The following PIWIL3 variants were observed in gnomAD, a reference collection of about 807,000 sequenced individuals.
The protein encoded by PIWIL3 is piwi like RNA-mediated gene silencing 3.
Under a neutral mutation model 109.7 loss-of-function variants are expected in PIWIL3, and 101 were observed. The observed-to-expected ratio is 0.92, with a 90% CI of 0.78 to 1.09. PIWIL3 has a LOEUF of 1.09. Ranked by LOEUF, PIWIL3 falls within the 50% of genes least tolerant of loss-of-function variation. The probability of loss-of-function intolerance (pLI) is 0.00; values close to 1 mark genes in which losing one functional copy is unlikely to be tolerated. For missense variants in PIWIL3, 1,031 were observed against 1,072.6 expected, an observed-to-expected ratio of 0.96 and a Z score of 0.54; for synonymous variants, 373 against 376.4, an observed-to-expected ratio of 0.99 and a Z score of 0.10.
At chr22:24,762,029 C>T in intron 2 of PIWIL3, 1 of 999,154 alleles carries the variant, frequency 1.0e-6, no homozygotes, top group Non-Finnish European at 1.2e-6. Flanking sequence ...AACAAGTTTT[C>T]AACAAGGCTG....
intron 16 of PIWIL3, among the ~76,000 whole-genome samples, chr22:24,725,830 CCTGGTT>C (rs1044224736): frequency 7.9e-6 from 1 of 127,132 alleles, no homozygotes; most frequent in African/African-American, 2.5e-5. Flanking sequence ...CTGTGCTCCC[CCTGGTT>C]CCTGCTTTGG....
At chr22:24,759,388 AGAG>A (rs1925277147) in intron 3 of PIWIL3, among the ~76,000 whole-genome samples, 1 of 152,230 alleles carries the variant, frequency 6.6e-6, no homozygotes, top group Non-Finnish European at 1.5e-5. Flanking sequence ...TAGAAAGCAA[AGAG>A]GAGAATCCAG....
At chr22:24,762,213 G>T in intron 2 of PIWIL3, 185 bp downstream of exon 2, 1 of 1,071,064 alleles carries the variant, frequency 9.3e-7, no homozygotes, top group Non-Finnish European at 1.2e-6. Flanking sequence ...AAGCAGTGGA[G>T]AGTACATCTG....
intron 13 of PIWIL3, 149 bp from the exon 14 acceptor site, chr22:24,734,305 G>A: frequency 7.7e-7 from 1 of 1,296,118 alleles, no homozygotes; most frequent in East Asian, 2.6e-5. Context: ...AAAGACAGTA[G>A]ACTTTCAGTT....
intron 1 of PIWIL3, among the ~76,000 whole-genome samples, chr22:24,770,660 T>TAAAAAA (rs57209194): frequency 1.3e-5 from 1 of 77,578 alleles, no homozygotes; most frequent in Admixed American, 1.3e-4. Flanking sequence ...CCGTCTCTAC[T>TAAAAAA]AAAAAAAAAA....
rs1922951996 is a variant in PIWIL3 at position 24,725,728 on chromosome 22, A to C, written c.2010-213T>G. Reference sequence around the variant, plus strand: ...CATACAAATAGTCAAGTAGAATGGAAGCATTTATTCACATTACTACAAATT... The same window carrying C: ...CATACAAATAGTCAAGTAGAATGGACGCATTTATTCACATTACTACAAATT... On this transcript the variant is annotated intron_variant, in intron 16 of 20. Transcript: ENST00000616349. 2.0e-5 allele frequency among the ~76,000 whole-genome samples: 3 copies of C among 152,228 alleles called. No individual in the cohort carries two copies. In the South Asian group the frequency reaches 6.2e-4, roughly 32 times the overall value.
At chr22:24,730,596 TG>T (rs1369900778) in intron 14 of PIWIL3, among the ~76,000 whole-genome samples, 2 of 152,130 alleles carry the variant, frequency 1.3e-5, no homozygotes, top group African/African-American at 4.8e-5. Context: ...TTGGGTTATC[TG>T]GATGATGGGT....
At position 24,756,769 on chromosome 22, in the gene PIWIL3, G is replaced by T; in HGVS notation, c.356-64C>A. The T allele has an allele frequency of 4.3e-6, 6 of 1,398,770 alleles. No homozygotes were observed. The Admixed American group carries it at 1.1e-4, about 26-fold the overall frequency. The allele number at this position is 1,398,770 out of a possible 1,614,324, so 86.6% of individuals were successfully genotyped here. On this transcript the variant is annotated intron_variant, in intron 4 of 20. Coordinates refer to ENST00000616349, the MANE Select transcript of PIWIL3 (RefSeq NM_001255975.1). ...GATTGGGCCCAAAACAAACAGTTTG[G>T]ACACTACAATATTAAAAGCCAAAGT...
intron 1 of PIWIL3, among the ~76,000 whole-genome samples, chr22:24,771,436 C>T (rs887130128): frequency 2.0e-5 from 3 of 149,730 alleles, no homozygotes; most frequent in Non-Finnish European, 3.0e-5. Flanking sequence ...AAGATCACAC[C>T]ACTGCACTCC....
intron 8 of PIWIL3, among the ~76,000 whole-genome samples, chr22:24,751,926 T>C (rs1924735423): frequency 6.6e-6 from 1 of 152,268 alleles, no homozygotes; most frequent in African/African-American, 2.4e-5. Context: ...ATTCTTTTCA[T>C]TTCCAAATAA....
intron 2 of PIWIL3, chr22:24,761,870 T>A: frequency 1.2e-6 from 1 of 808,224 alleles, no homozygotes; most frequent in Non-Finnish European, 1.5e-6. Context: ...AACAGCAGAA[T>A]AAGTGGACCT....
intron 8 of PIWIL3, among the ~76,000 whole-genome samples, chr22:24,753,480 C>G (rs900374385): frequency 2.0e-5 from 3 of 152,160 alleles, no homozygotes; most frequent in Non-Finnish European, 4.4e-5. Flanking sequence ...TTTCATTGGT[C>G]TCTGTCTGTC....
At chr22:24,725,418 G>T (rs1206562578) in intron 17 of PIWIL3, 27 bp downstream of exon 17, 1 of 1,611,622 alleles carries the variant, frequency 6.2e-7, no homozygotes, top group Non-Finnish European at 8.5e-7. Context: ...ATAGTGTCGG[G>T]TTCCCCGACC....
At chr22:24,756,074 G>A (rs2147706759) in intron 5 of PIWIL3, among the ~76,000 whole-genome samples, 169 bp from the exon 6 acceptor site, 1 of 152,312 alleles carries the variant, frequency 6.6e-6, no homozygotes, top group South Asian at 2.1e-4. Context: ...CAAGAGTGAA[G>A]AGTTGGAATT....
At chr22:24,773,743 CTCA>C (rs201387599) in intron 1 of PIWIL3, among the ~76,000 whole-genome samples, 5,032 of 50,310 alleles carry the variant, frequency 0.1, 137 homozygotes, top group Middle Eastern at 0.19. Context: ...GGGAGTCTCA[CTCA>C]CTCTGTTGCC....
chr22:24,738,663 C>A (rs1923804185), intron 12 of PIWIL3, among the ~76,000 whole-genome samples: 1 of 152,268 alleles, frequency 6.6e-6, no homozygotes, highest in Non-Finnish European at 1.5e-5. Flanking sequence ...CATAGCATTA[C>A]TGTGCTTGGA....
At chr22:24,754,748 G>A (rs1219465656) in intron 7 of PIWIL3, 36 bp downstream of exon 7, 8 of 1,488,052 alleles carry the variant, frequency 5.4e-6, no homozygotes, top group Non-Finnish European at 7.5e-6. Flanking sequence ...CTACGTTTAA[G>A]TCTGCAGAGT....
intron 14 of PIWIL3, 108 bp downstream of exon 14, chr22:24,733,976 G>A (rs971136921): frequency 3.9e-5 from 49 of 1,247,500 alleles, no homozygotes; most frequent in East Asian, 5.4e-5. Flanking sequence ...ATCTGCTTTC[G>A]TTGGCAAGTT....
intron 12 of PIWIL3, among the ~76,000 whole-genome samples, chr22:24,744,178 T>TAAAAAAAAAAAAAAAAAAA (rs1188611412): frequency 8.7e-5 from 3 of 34,304 alleles, no homozygotes; most frequent in Admixed American, 4.3e-4. Flanking sequence ...GTGACCGAAT[T>TAAAAAAAAAAAAAAAAAAA]AAAAAAAAAA....
Sources: gnomAD v4.1 joint callset for allele counts (sites outside exome capture counted in the v4.1 genomes callset) on GRCh38, gnomAD v4.1.1 for gene constraint, MANE v1.5 for transcripts, NCBI Gene and HGNC (gene_info 2026-07-23, HGNC 2026-07-21) for gene names.